The following TRIM36 variants were observed in gnomAD, a reference collection of about 807,000 sequenced individuals.
TRIM36 encodes tripartite motif containing 36.
In TRIM36, 42 loss-of-function variants were observed where a neutral mutation model predicts 72.4. The ratio of observed to expected loss-of-function variants is 0.58; its 90% CI spans 0.45 to 0.75. The LOEUF (loss-of-function observed/expected upper bound fraction) is 0.75. Among genes scored for constraint, TRIM36 ranks in the 30% least tolerant of loss-of-function variants. TRIM36 has a pLI of 0.00. For missense variants in TRIM36, 913 were observed against 857.1 expected (o/e 1.07, Z -0.81); for synonymous variants, 315 against 282.8 (o/e 1.11, Z -1.14).
chr5:115,163,570 T>G lies in TRIM36; in HGVS notation c.210A>C (p.Arg70=), dbSNP rs777209862. The G allele has an allele frequency of 1.9e-6, 3 of 1,614,062 alleles. No homozygotes were observed. The South Asian group carries it at 3.3e-5, about 18-fold the overall frequency. Residue 70 remains arginine, a synonymous_variant, in exon 2 of 10, where the codon CGA becomes CGC. Transcript: ENST00000513154. ...GSDNSNQSSP[R]LRLPSPSMDK... The stretch of plus-strand genomic sequence containing the variant: ...CCATACTAGGGGAGGGGAGCCGAAG[T>G]CGAGGACTGCTTTGATTGGAGTTGT...
rs1752341303 is a variant in TRIM36 at position 115,125,952 on chromosome 5, C to T, written c.*551G>A. 3 of 152,364 alleles carry T rather than the reference C, an allele frequency of 2.0e-5. No homozygotes were observed. Among genetic ancestry groups the T allele is most frequent in the Admixed American group, 2.0e-4 (3 of 15,280 alleles). The allele number at this position is 152,364 out of a possible 1,614,324, so 9.4% of individuals were successfully genotyped here. On this transcript the variant is annotated 3_prime_UTR_variant, in exon 10 of 10. Transcript: ENST00000513154. ...GCAATATATTTTTAATAGTTACACA[C>T]TTTAAAATACATAATTTTCCACTTA...
At chr5:115,155,788 C>T (rs1474475414) in intron 2 of TRIM36, among the ~76,000 whole-genome samples, 3 of 152,158 alleles carry the variant, frequency 2.0e-5, no homozygotes, top group African/African-American at 7.2e-5. Context: ...CACCCTTCTT[C>T]AATATAGTAC....
At chr5:115,146,924 G>T in intron 3 of TRIM36, 145 bp downstream of exon 3, 2 of 831,644 alleles carry the variant, frequency 2.4e-6, no homozygotes, top group Non-Finnish European at 3.6e-6. Context: ...AGCCAACTAG[G>T]CCTTAAGTTC....
At chr5:115,165,937 G>T (rs1382071442) in intron 1 of TRIM36, among the ~76,000 whole-genome samples, 1 of 152,116 alleles carries the variant, frequency 6.6e-6, no homozygotes, top group East Asian at 1.9e-4. Flanking sequence ...GTGTGTGTGT[G>T]CTTGAGGAGA....
At chr5:115,135,390 T>G (rs893429859) in intron 7 of TRIM36, among the ~76,000 whole-genome samples, 1 of 152,016 alleles carries the variant, frequency 6.6e-6, no homozygotes, top group Non-Finnish European at 1.5e-5. Context: ...AAAATACATT[T>G]TAAAATTTAA....
At chr5:115,175,978 T>C (rs1257556151) in intron 1 of TRIM36, among the ~76,000 whole-genome samples, 1 of 151,996 alleles carries the variant, frequency 6.6e-6, no homozygotes, top group Non-Finnish European at 1.5e-5. Context: ...TACAAAAAAT[T>C]AGCCGGGCAT....
intron 9 of TRIM36, among the ~76,000 whole-genome samples, chr5:115,129,311 C>G (rs536063736): frequency 2.0e-5 from 3 of 152,108 alleles, no homozygotes; most frequent in Admixed American, 1.3e-4. Flanking sequence ...GCCTGTAATC[C>G]CAGCACTTTG....
chr5:115,155,045 C>G (rs924473054), intron 2 of TRIM36, among the ~76,000 whole-genome samples: 3 of 151,908 alleles, frequency 2.0e-5, no homozygotes, highest in Non-Finnish European at 4.4e-5. Context: ...AAAAATTAGC[C>G]GGGCATGGTG....
intron 2 of TRIM36, among the ~76,000 whole-genome samples, chr5:115,156,340 G>C (rs555488673): frequency 6.6e-6 from 1 of 151,042 alleles, no homozygotes; most frequent in African/African-American, 2.4e-5. Context: ...AACCAAAAAA[G>C]AGCCCGCATA....
At chr5:115,166,422 G>A (rs1312609975) in intron 1 of TRIM36, among the ~76,000 whole-genome samples, 2 of 152,200 alleles carry the variant, frequency 1.3e-5, no homozygotes, top group African/African-American at 2.4e-5. Context: ...TGCCTGCAGA[G>A]AGGAGGTACC....
chr5:115,145,301 G>A (rs1298427773), intron 3 of TRIM36, among the ~76,000 whole-genome samples: 1 of 152,122 alleles, frequency 6.6e-6, no homozygotes, highest in African/African-American at 2.4e-5. Flanking sequence ...CTGTTTTTCT[G>A]ATTTCATTGT....
chr5:115,179,164 C>T (rs1755488382), intron 1 of TRIM36, among the ~76,000 whole-genome samples: 1 of 152,194 alleles, frequency 6.6e-6, no homozygotes, highest in African/African-American at 2.4e-5. Flanking sequence ...CCGTACTTCC[C>T]GACACGTTCC....
chr5:115,132,221 T>C (rs1378326470), intron 8 of TRIM36, among the ~76,000 whole-genome samples: 1 of 149,640 alleles, frequency 6.7e-6, no homozygotes, highest in Non-Finnish European at 1.5e-5. Flanking sequence ...TATATATACA[T>C]ATATATATAT....
chr5:115,173,521 A>AGTGT (rs1755207794), upstream of TRIM36, among the ~76,000 whole-genome samples: 1 of 141,902 alleles, frequency 7.0e-6, no homozygotes, highest in African/African-American at 3.0e-5. Context: ...TGTGTATTTG[A>AGTGT]ATGTGTGTGT....
chr5:115,149,671 C>T (rs902901815), intron 2 of TRIM36: 4 of 126,036 alleles, frequency 3.2e-5, no homozygotes, highest in African/African-American at 9.2e-5. Context: ...GTGTGAAACA[C>T]TAAACTTAAA....
chr5:115,155,898 G>A (rs775873733), intron 2 of TRIM36, among the ~76,000 whole-genome samples: 17 of 152,196 alleles, frequency 1.1e-4, no homozygotes, highest in African/African-American at 1.7e-4. Context: ...TTTTTACCTC[G>A]AAAACCCTAA....
At chr5:115,171,135 C>T, upstream of TRIM36, 2 of 1,614,156 alleles carry the variant, frequency 1.2e-6, no homozygotes, top group Non-Finnish European at 1.7e-6. Context: ...CTTTTATTTC[C>T]TGTTTGGGAG....
chr5:115,157,962 C>G (rs2112887169), intron 2 of TRIM36, among the ~76,000 whole-genome samples: 1 of 152,168 alleles, frequency 6.6e-6, no homozygotes, highest in East Asian at 1.9e-4. Context: ...GGGACTCAGG[C>G]AGAAAGGGTG....
Position 115,144,671 on chromosome 5 carries a change from T to G in TRIM36, c.662A>C (p.His221Pro). The G allele has an allele frequency of 1.2e-6, 2 of 1,614,188 alleles. No individual in the cohort carries two copies. Among genetic ancestry groups the G allele is most frequent in the Non-Finnish European group, 1.7e-6 (2 of 1,180,026 alleles). ...YCELCRRPVC[H>P]LCKLGGNHAN... ...ATGATTACCACCCAACTTACACAGATGGCAAACTGGCCTCCTACATAATTC... is the reference window on the plus strand; with the variant it reads ...ATGATTACCACCCAACTTACACAGAGGGCAAACTGGCCTCCTACATAATTC... The change falls in exon 4 of 10, where the codon CAT (histidine) becomes CCT (proline). Residue 221 changes from histidine (H) to proline (P), a missense_variant. His to Pro is a moderately conservative substitution (Grantham distance 77). Transcript: ENST00000513154.
Sources: gnomAD v4.1 joint callset for allele counts (sites outside exome capture counted in the v4.1 genomes callset) on GRCh38, gnomAD v4.1.1 for gene constraint, MANE v1.5 for transcripts, NCBI Gene and HGNC (gene_info 2026-07-23, HGNC 2026-07-21) for gene names.